The following GTF2H5 variants were observed in gnomAD, a reference collection of about 807,000 sequenced individuals.
The protein encoded by GTF2H5 is general transcription factor IIH subunit 5.
A neutral mutation model predicts 7.1 loss-of-function variants in GTF2H5; 5 were observed. That is an observed-to-expected ratio of 0.71 (90% CI 0.37 to 1.49). The LOEUF (loss-of-function observed/expected upper bound fraction) is 1.49, where lower values mean the gene tolerates loss of function less well. GTF2H5 is among the 40% of genes most tolerant of loss of function. The probability of loss-of-function intolerance (pLI) is 0.03; values close to 1 mark genes in which losing one functional copy is unlikely to be tolerated. For synonymous variants in GTF2H5, 30 were observed against 31.7 expected (o/e 0.95, Z 0.18); for missense variants, 80 against 83.0 (o/e 0.96, Z 0.14).
Position 158,195,371 on chromosome 6 carries a change from T to G in GTF2H5, c.*3214T>G, listed in dbSNP as rs1452202103. 2.6e-5 allele frequency: 4 copies of G among 152,182 alleles called. No individual in the cohort carries two copies. Among genetic ancestry groups the G allele is most frequent in the Non-Finnish European group, 5.9e-5 (4 of 68,034 alleles). 9.4% of individuals were successfully genotyped at this position (152,182 alleles called of 1,614,324 possible). ...AAAGGTTTTTTCTTTTAATACTGTA[T>G]TAGGTCAAATTCAAGGTCTTAATTC... is the stretch of plus-strand genomic sequence containing the variant. On this transcript the variant is annotated 3_prime_UTR_variant, in exon 3 of 3. Coordinates refer to ENST00000607778, the MANE Select transcript of GTF2H5 (RefSeq NM_207118.3).
chr6:158,181,360 G>A (rs541267375), intron 2 of GTF2H5, among the ~76,000 whole-genome samples: 10 of 152,252 alleles, frequency 6.6e-5, no homozygotes, highest in Admixed American at 4.6e-4. Flanking sequence ...GATTTGGGTC[G>A]GGGAGTTCTG....
At chr6:158,169,725 A>AATATATTGTATATT (rs1785801829) in intron 1 of GTF2H5, among the ~76,000 whole-genome samples, 1 of 68,214 alleles carries the variant, frequency 1.5e-5, no homozygotes, top group South Asian at 3.3e-4. Flanking sequence ...TATATTATAT[A>AATATATTGTATATT]ATATATTGTA....
At position 158,194,583 on chromosome 6, in the gene GTF2H5, G is replaced by A. The variant is rs1777079741; in HGVS notation, c.*2426G>A. 2 of 152,278 alleles carry A rather than the reference G, an allele frequency of 1.3e-5. No homozygotes were observed. Among genetic ancestry groups the A allele is most frequent in the East Asian group, 1.9e-4 (1 of 5,194 alleles). 9.4% of individuals were successfully genotyped at this position (152,278 alleles called of 1,614,324 possible). The stretch of plus-strand genomic sequence containing the variant: ...TCTTGAGCGAAATCCTGGGAACTTC[G>A]TACATTGCTTGCTTCAGTACCTTAT... On this transcript the variant is annotated 3_prime_UTR_variant, in exon 3 of 3. Coordinates refer to ENST00000607778, the MANE Select transcript of GTF2H5 (RefSeq NM_207118.3).
chr6:158,172,488 T>C (rs575782704), intron 2 of GTF2H5, among the ~76,000 whole-genome samples: 1 of 152,022 alleles, frequency 6.6e-6, no homozygotes, highest in East Asian at 1.9e-4. Context: ...TTAGTAGAAA[T>C]GGGGTTTCAC....
At position 158,183,257 on chromosome 6, in the gene GTF2H5, A is replaced by T. The variant is rs182513841; in HGVS notation, c.36-8720A>T. Among the ~76,000 whole-genome samples the T allele has an allele frequency of 1.6e-3, 248 of 152,256 alleles. 1 individual carries two copies. Among genetic ancestry groups the T allele is most frequent in the African/African-American group, 5.7e-3 (237 of 41,562 alleles). On this transcript the variant is annotated intron_variant, in intron 2 of 2. Transcript: ENST00000607778. The stretch of plus-strand genomic sequence containing the variant: ...GCCTGATCCTTCCTCTGGAAGCTTC[A>T]TCGTAGAGGGGCACCTGCCTGTATG...
chr6:158,187,058 G>C (rs996414660), intron 2 of GTF2H5, among the ~76,000 whole-genome samples: 1 of 149,354 alleles, frequency 6.7e-6, no homozygotes, highest in Non-Finnish European at 1.5e-5. Context: ...GCAATGGTGT[G>C]ATCTCGGCCC....
rs1284399109 is a variant in GTF2H5 at position 158,198,421 on chromosome 6, GT to G, written c.*6267del. The G allele has an allele frequency of 6.6e-6, 1 of 152,224 alleles. No individual in the cohort carries two copies. The highest frequency in any genetic ancestry group is 1.9e-4 in the East Asian group (1 of 5,206). The allele number at this position is 152,224 out of a possible 1,614,324, so 9.4% of individuals were successfully genotyped here. A position where few individuals can be genotyped will look rare whatever the true frequency, so the allele number is the denominator to read the frequency against. ...TGTCCTCAGACATTTACTGAGTCCA[GT>G]TTGGACTTTATTTTATTTTATTTTT... On this transcript the variant is annotated 3_prime_UTR_variant, in exon 3 of 3. Coordinates refer to ENST00000607778, the MANE Select transcript of GTF2H5 (RefSeq NM_207118.3).
intron 1 of GTF2H5, among the ~76,000 whole-genome samples, chr6:158,168,663 T>C (rs1258032292): frequency 6.6e-6 from 1 of 152,128 alleles, no homozygotes; most frequent in Non-Finnish European, 1.5e-5. Context: ...GTACGCTGAG[T>C]GGTTTGTTTC....
Position 158,192,632 on chromosome 6 carries a change from A to G in GTF2H5, c.*475A>G, listed in dbSNP as rs553727575. ...CCAGTCAGCTCTATTGAGGAAGACA[A>G]TGTAAAACTAATGTAAACTACAGTT... On this transcript the variant is annotated 3_prime_UTR_variant, in exon 3 of 3. Transcript: ENST00000607778. The G allele has an allele frequency of 1.9e-4, 33 of 171,896 alleles. No homozygotes were observed. Among genetic ancestry groups the G allele is most frequent in the Non-Finnish European group, 3.5e-4 (28 of 79,208 alleles). 10.6% of individuals were successfully genotyped at this position (171,896 alleles called of 1,614,324 possible).
At chr6:158,169,182 C>T (rs1484841333) in intron 1 of GTF2H5, among the ~76,000 whole-genome samples, 1 of 146,386 alleles carries the variant, frequency 6.8e-6, no homozygotes, top group Non-Finnish European at 1.5e-5. Context: ...TGCAGTGAGC[C>T]GACATCACGA....
At chr6:158,187,016 C>T (rs1165646717) in intron 2 of GTF2H5, among the ~76,000 whole-genome samples, 3 of 151,026 alleles carry the variant, frequency 2.0e-5, no homozygotes, top group Non-Finnish European at 2.9e-5. Context: ...TCTTATTAGA[C>T]GAAGTCTCCC....
In GTF2H5 at chr6:158,195,532, T is replaced by C. The variant is rs1562478221; in HGVS notation, c.*3375T>C. ...TGGTGAACAGTAACAGCATTACTGA[T>C]AATAGGCAACAAACACTACTGCATT... On this transcript the variant is annotated 3_prime_UTR_variant, in exon 3 of 3. Transcript: ENST00000607778. 1 of 152,250 alleles carries C rather than the reference T, an allele frequency of 6.6e-6. No homozygotes were observed. Among genetic ancestry groups the C allele is most frequent in the Non-Finnish European group, 1.5e-5 (1 of 68,044 alleles). 9.4% of individuals were successfully genotyped at this position (152,250 alleles called of 1,614,324 possible). A position where few individuals can be genotyped will look rare whatever the true frequency, so the allele number is the denominator to read the frequency against.
intron 2 of GTF2H5, among the ~76,000 whole-genome samples, chr6:158,176,191 C>G (rs1280609111): frequency 2.0e-5 from 3 of 152,116 alleles, no homozygotes; most frequent in Non-Finnish European, 4.4e-5. Context: ...GTTACATATA[C>G]TATCTCTCCA....
intron 1 of GTF2H5, among the ~76,000 whole-genome samples, chr6:158,169,398 T>A (rs1282360027): frequency 2.9e-5 from 2 of 69,768 alleles, no homozygotes; most frequent in Admixed American, 3.7e-4. Flanking sequence ...TATATAATAT[T>A]ATATTGTATA....
At chr6:158,174,202 A>G (rs1293994821) in intron 2 of GTF2H5, among the ~76,000 whole-genome samples, 2 of 152,172 alleles carry the variant, frequency 1.3e-5, no homozygotes, top group Non-Finnish European at 2.9e-5. Flanking sequence ...CCACTGTCCC[A>G]GGAATCTCTC....
chr6:158,188,764 C>G (rs1776973711), intron 2 of GTF2H5, among the ~76,000 whole-genome samples: 1 of 152,174 alleles, frequency 6.6e-6, no homozygotes, highest in Non-Finnish European at 1.5e-5. Context: ...CCTCCTGTCA[C>G]CAGCTGTTGT....
intron 1 of GTF2H5, among the ~76,000 whole-genome samples, chr6:158,169,751 A>ATT (rs1562469427): frequency 5.3e-5 from 3 of 56,634 alleles, no homozygotes; most frequent in Admixed American, 3.7e-4. Context: ...TATATTATAT[A>ATT]ATATATTGTA....
chr6:158,183,628 C>T (rs1786038003), intron 2 of GTF2H5, among the ~76,000 whole-genome samples: 1 of 152,216 alleles, frequency 6.6e-6, no homozygotes, highest in Non-Finnish European at 1.5e-5. Context: ...CCTCCCCCCA[C>T]CAAGCTCCGG....
chr6:158,191,778 G>A (rs537493777), intron 2 of GTF2H5, among the ~76,000 whole-genome samples, 199 bp from the exon 3 acceptor site: 115 of 152,216 alleles, frequency 7.6e-4, no homozygotes, highest in Admixed American at 1.2e-3. Context: ...CATCGCACCC[G>A]GCCAACTTAC....
Sources: allele counts gnomAD v4.1 joint callset (sites outside exome capture counted in the v4.1 genomes callset), GRCh38; gene constraint gnomAD v4.1.1; transcripts MANE v1.5; gene names NCBI Gene and HGNC (gene_info 2026-07-23, HGNC 2026-07-21).